CCDC57: variants seen among roughly 807,000 people sequenced by gnomAD.
CCDC57 encodes coiled-coil domain-containing protein 57.
CCDC57 carries 118 observed loss-of-function variants against 118.9 expected under a neutral mutation model. That is an observed-to-expected ratio of 0.99 (90% CI 0.86 to 1.16). CCDC57 has a LOEUF of 1.16. CCDC57 is among the 50% of genes most tolerant of loss of function. The pLI, the probability that CCDC57 is intolerant of heterozygous loss-of-function variation, is 0.00. For synonymous variants in CCDC57, 527 were observed against 532.9 expected (o/e 0.99, Z 0.15); for missense variants, 1,300 against 1,320.7 (o/e 0.98, Z 0.24).
At chr17:82,157,124 A>G in intron 15 of CCDC57, 1 of 153,440 alleles carries the variant, frequency 6.5e-6, no homozygotes, top group Non-Finnish European at 1.5e-5. Context: ...GGTAGGAAGA[A>G]GGGGGCCCTG....
At chr17:82,183,806 T>G (rs777121996) in exon 9 of CCDC57, 2 of 1,587,422 alleles carry the variant, frequency 1.3e-6, no homozygotes, top group Non-Finnish European at 8.6e-7. Flanking sequence ...GGGCCACCTG[T>G]GCCTTGAGCT....
At position 82,172,566 on chromosome 17, in the gene CCDC57, T is replaced by A; in HGVS notation, c.1729+72A>T. On this transcript the variant is annotated intron_variant, in intron 12 of 19. Coordinates refer to ENST00000665763, the Ensembl canonical transcript of CCDC57. This position sits in a 1 kb window ranked among gnomAD's most constrained non-coding sequence, Gnocchi z 5.2. Reference sequence around the variant, plus strand: ...CCTCCTTGAAGCCAGTCAAGACCCATGCTCCCGTCTGTCCTCCTCCCTCCC... The same window carrying A: ...CCTCCTTGAAGCCAGTCAAGACCCAAGCTCCCGTCTGTCCTCCTCCCTCCC... The A allele has an allele frequency of 3.8e-6, 5 of 1,309,186 alleles. No individual in the cohort carries two copies. Among genetic ancestry groups the A allele is most frequent in the Non-Finnish European group, 5.4e-6 (5 of 930,176 alleles). The allele number at this position is 1,309,186 out of a possible 1,614,324, so 81.1% of individuals were successfully genotyped here. A position where few individuals can be genotyped will look rare whatever the true frequency, so the allele number is the denominator to read the frequency against.
At chr17:82,145,132 T>A (rs2040541008) in intron 16 of CCDC57, among the ~76,000 whole-genome samples, 1 of 150,276 alleles carries the variant, frequency 6.7e-6, no homozygotes. Flanking sequence ...GAGATTCTCC[T>A]GCCTCAGCCG....
At position 82,172,981 on chromosome 17, in the gene CCDC57, T is replaced by C; in HGVS notation, c.1507-121A>G. The C allele has an allele frequency of 2.4e-6, 2 of 827,506 alleles. No homozygotes were observed. Among genetic ancestry groups the C allele is most frequent in the Non-Finnish European group, 4.0e-6 (2 of 503,800 alleles). 51.3% of individuals were successfully genotyped at this position (827,506 alleles called of 1,614,324 possible). On this transcript the variant is annotated intron_variant, in intron 11 of 19. Coordinates refer to ENST00000665763, the Ensembl canonical transcript of CCDC57. The surrounding 1 kb of genome is among the most constrained non-coding windows in gnomAD (Gnocchi z 5.2). ...GCCGGTCCCCCGCTTCAGCTTGGGC[T>C]GTGGTCCCTCCCCATCCCCAGGCTG... is the stretch of plus-strand genomic sequence containing the variant.
At chr17:82,147,109 G>GTGGATGAGTGAC (rs2040857564) in intron 16 of CCDC57, among the ~76,000 whole-genome samples, 1 of 152,194 alleles carries the variant, frequency 6.6e-6, no homozygotes, top group African/African-American at 2.4e-5. Flanking sequence ...TGGATGGTAG[G>GTGGATGAGTGAC]TGGATGAGTG....
At position 82,118,762 on chromosome 17, in the gene CCDC57, G is replaced by T. The variant is rs1016473796; in HGVS notation, c.2899+8930C>A. Among the ~76,000 whole-genome samples the T allele has an allele frequency of 3.3e-5, 5 of 152,066 alleles. No individual in the cohort carries two copies. Among genetic ancestry groups the T allele is most frequent in the Admixed American group, 2.6e-4 (4 of 15,250 alleles). On this transcript the variant is annotated intron_variant, in intron 19 of 19. Transcript: ENST00000665763. The surrounding 1 kb of genome is among the most constrained non-coding windows in gnomAD (Gnocchi z 4.7). ...CTTTTTATGTACGCTGACTTTTGTT[G>T]TGCTGCTGAAGAATATCTTTCCAGT...
chr17:82,132,470 A>C (rs1598774485), intron 17 of CCDC57, among the ~76,000 whole-genome samples: 1 of 152,252 alleles, frequency 6.6e-6, no homozygotes, highest in East Asian at 1.9e-4. Flanking sequence ...ACTGGCTCTG[A>C]GGTTACGGAA....
At chr17:82,195,781 T>C (rs1282164722) in intron 4 of CCDC57, among the ~76,000 whole-genome samples, 1 of 152,122 alleles carries the variant, frequency 6.6e-6, no homozygotes, top group Non-Finnish European at 1.5e-5. Flanking sequence ...ACTAAAAGGC[T>C]GAGATGCCGG....
chr17:82,147,607 A>AGATG (rs1412284733), intron 16 of CCDC57, among the ~76,000 whole-genome samples: 2 of 87,458 alleles, frequency 2.3e-5, no homozygotes, highest in Non-Finnish European at 4.4e-5. Context: ...GTGGATGGAT[A>AGATG]GATGGATGGA....
intron 9 of CCDC57, among the ~76,000 whole-genome samples, chr17:82,179,563 C>T (rs1001582529): frequency 1.3e-4 from 19 of 144,780 alleles, no homozygotes; most frequent in Non-Finnish European, 7.6e-5. Context: ...GACCCAGCCA[C>T]GGGGTGGGCA....
chr17:82,101,848 G>T (rs371075291), exon 20 of CCDC57: 2 of 1,577,398 alleles, frequency 1.3e-6, no homozygotes, highest in Non-Finnish European at 8.6e-7. Context: ...CCTGTCGGCT[G>T]CTGGAGGAGC....
chr17:82,204,064 C>T (rs983701736), intron 2 of CCDC57, among the ~76,000 whole-genome samples: 16 of 152,150 alleles, frequency 1.1e-4, no homozygotes, highest in African/African-American at 2.7e-4. Context: ...AGGGCACACC[C>T]GCTGGGGGCA....
rs368916901 is a variant in CCDC57, at chr17:82,200,024, G to T, written c.407+1514C>A. On this transcript the variant is annotated intron_variant, in intron 3 of 19. Transcript: ENST00000665763. ...AGGGACTGCAGACGCGATCCCTGCG[G>T]GCTGCTACAGGAGATACTGGCTGCA... 4.7e-4 allele frequency among the ~76,000 whole-genome samples: 72 copies of T among 152,328 alleles called. 1 individual carries two copies. The South Asian group carries it at 0.015, about 31-fold the overall frequency.
chr17:82,178,712 C>T, intron 10 of CCDC57, 107 bp from the exon 10 acceptor site: 2 of 1,473,166 alleles, frequency 1.4e-6, no homozygotes, highest in East Asian at 2.3e-5. Context: ...GAGCACCAGG[C>T]TCCCCACTGT....
intron 13 of CCDC57, among the ~76,000 whole-genome samples, chr17:82,169,650 A>G (rs911263740): frequency 6.6e-6 from 1 of 152,166 alleles, no homozygotes; most frequent in Admixed American, 6.5e-5. Flanking sequence ...GCCTGCAAAT[A>G]GGGGAAGGGG....
intron 19 of CCDC57, among the ~76,000 whole-genome samples, chr17:82,115,792 CTTT>C (rs35213711): frequency 1.5e-5 from 1 of 65,654 alleles, no homozygotes; most frequent in Non-Finnish European, 2.8e-5. Flanking sequence ...TTTATGCAAC[CTTT>C]TTTTTTTTTT....
intron 19 of CCDC57, among the ~76,000 whole-genome samples, chr17:82,117,637 G>A (rs1255849499): frequency 6.6e-6 from 1 of 152,002 alleles, no homozygotes; most frequent in Non-Finnish European, 1.5e-5. Context: ...CCTGGGCGAC[G>A]GAGTGAGACT....
intron 4 of CCDC57, 101 bp downstream of exon 3, chr17:82,198,213 A>G: frequency 1.5e-6 from 1 of 676,822 alleles, no homozygotes; most frequent in Non-Finnish European, 2.5e-6. Flanking sequence ...AATGCAGGCA[A>G]TGAACCAAAT....
intron 8 of CCDC57, among the ~76,000 whole-genome samples, chr17:82,187,339 C>T (rs954072335): frequency 6.7e-6 from 1 of 148,208 alleles, no homozygotes; most frequent in Non-Finnish European, 1.5e-5. Flanking sequence ...TATTTTACCA[C>T]AATTTAAAAA....
Sources: gnomAD v4.1 joint callset for allele counts (sites outside exome capture counted in the v4.1 genomes callset) on GRCh38, gnomAD v4.1.1 for gene constraint, Gnocchi (gnomAD v3.1) non-coding constraint, MANE v1.5 for transcripts, NCBI Gene and HGNC (gene_info 2026-07-23, HGNC 2026-07-21) for gene names.